The following SUSD6 variants were observed in gnomAD, a reference collection of about 807,000 sequenced individuals.
SUSD6 encodes sushi domain-containing protein 6.
A neutral mutation model predicts 28.4 loss-of-function variants in SUSD6; 16 were observed. The observed-to-expected ratio is 0.56, with a 90% CI of 0.38 to 0.86. The LOEUF is 0.86. Ranked by LOEUF, SUSD6 falls within the 40% of genes least tolerant of loss-of-function variation. The probability of loss-of-function intolerance (pLI) is 0.00; values close to 1 mark genes in which losing one functional copy is unlikely to be tolerated. For missense variants in SUSD6, 341 were observed against 384.2 expected (o/e 0.89, Z 0.94); for synonymous variants, 147 against 159.6 (o/e 0.92, Z 0.59).
At chr14:69,708,512 G>C (rs1886415226) in intron 4 of SUSD6, among the ~76,000 whole-genome samples, 165 bp from the exon 5 acceptor site, 1 of 152,114 alleles carries the variant, frequency 6.6e-6, no homozygotes, top group Non-Finnish European at 1.5e-5. Flanking sequence ...TACCTGAAAG[G>C]GCTCAGGTGA....
chr14:69,664,477 G>A (rs761492905), intron 2 of SUSD6, among the ~76,000 whole-genome samples: 1 of 152,186 alleles, frequency 6.6e-6, no homozygotes, highest in African/African-American at 2.4e-5. Flanking sequence ...TGATGAAAGT[G>A]ATGTAATCTC....
chr14:69,697,584 C>T (rs74060283), intron 2 of SUSD6, among the ~76,000 whole-genome samples: 4,833 of 152,238 alleles, frequency 0.032, 256 homozygotes, highest in African/African-American at 0.11. Context: ...ATTAATTTCA[C>T]CTGTTTCCAT....
rs1355913126 is a variant in SUSD6, at chr14:69,696,621, C to CT, written c.122-6773dup. Among the ~76,000 whole-genome samples the CT allele has an allele frequency of 2.0e-5, 3 of 152,252 alleles. No individual in the cohort carries two copies. The East Asian group carries it at 5.8e-4, about 29-fold the overall frequency. On this transcript the variant is annotated intron_variant, in intron 2 of 5. Transcript: ENST00000342745. The stretch of plus-strand genomic sequence containing the variant: ...CATCTTCAGCCTCACATTTCATGCC[C>CT]TGTCGTGTGGTTCTGAACCTTTTCC...
intron 2 of SUSD6, among the ~76,000 whole-genome samples, chr14:69,693,928 T>C (rs1800337172): frequency 6.6e-6 from 1 of 152,266 alleles, no homozygotes; most frequent in African/African-American, 2.4e-5. Context: ...AGAGGGATGC[T>C]CTTTGCCGTT....
At chr14:69,639,446 G>A (rs918041697) in intron 1 of SUSD6, among the ~76,000 whole-genome samples, 4 of 149,736 alleles carry the variant, frequency 2.7e-5, no homozygotes, top group Non-Finnish European at 5.9e-5. Context: ...GAAAAGTTTT[G>A]TTACATGTCC....
chr14:69,643,388 TG>T (rs1885381710), intron 1 of SUSD6, among the ~76,000 whole-genome samples: 2 of 152,252 alleles, frequency 1.3e-5, no homozygotes, highest in Non-Finnish European at 2.9e-5. Flanking sequence ...ATCTGGCACC[TG>T]CTATGTCCAA....
chr14:69,672,120 C>A (rs749114765), intron 2 of SUSD6, among the ~76,000 whole-genome samples: 5 of 152,184 alleles, frequency 3.3e-5, no homozygotes, highest in African/African-American at 4.8e-5. Context: ...CACCATCCAT[C>A]CCTGGTTGGA....
chr14:69,710,620 G>T (rs1323378190), intron 5 of SUSD6, among the ~76,000 whole-genome samples: 2 of 152,200 alleles, frequency 1.3e-5, no homozygotes, highest in African/African-American at 4.8e-5. Flanking sequence ...GCTTTAGGAG[G>T]CAGTGGGACT....
chr14:69,637,858 A>C (rs1315164711), intron 1 of SUSD6, among the ~76,000 whole-genome samples: 1 of 152,122 alleles, frequency 6.6e-6, no homozygotes, highest in Non-Finnish European at 1.5e-5. Context: ...GGGCAGCAGC[A>C]TAGTCACTTC....
intron 2 of SUSD6, among the ~76,000 whole-genome samples, chr14:69,691,098 T>G (rs1886146748): frequency 6.6e-6 from 1 of 152,064 alleles, no homozygotes; most frequent in Admixed American, 6.6e-5. Flanking sequence ...ACCTAGCACT[T>G]TGGGAGGTTG....
intron 1 of SUSD6, among the ~76,000 whole-genome samples, chr14:69,626,082 G>T (rs1389864403): frequency 1.3e-5 from 2 of 152,100 alleles, no homozygotes; most frequent in African/African-American, 4.8e-5. Flanking sequence ...CTTCTCTGTG[G>T]GCTCCTCTTC....
At chr14:69,614,744 A>C (rs552923909) in intron 1 of SUSD6, among the ~76,000 whole-genome samples, 24 of 152,318 alleles carry the variant, frequency 1.6e-4, no homozygotes, top group African/African-American at 5.5e-4. Flanking sequence ...TCCTCATTTC[A>C]GTACCAAACA....
intron 1 of SUSD6, among the ~76,000 whole-genome samples, chr14:69,632,664 AC>A (rs1367376848): frequency 6.6e-6 from 1 of 151,206 alleles, no homozygotes; most frequent in Admixed American, 6.6e-5. Flanking sequence ...AAAAAAAAAA[AC>A]AAAACACTGG....
intron 2 of SUSD6, among the ~76,000 whole-genome samples, chr14:69,698,500 C>T (rs1886259621): frequency 6.6e-6 from 1 of 152,198 alleles, no homozygotes; most frequent in Non-Finnish European, 1.5e-5. Flanking sequence ...AAATTGAATG[C>T]TTTGACCCCT....
At chr14:69,650,121 C>T (rs1025884516) in intron 1 of SUSD6, among the ~76,000 whole-genome samples, 1 of 152,120 alleles carries the variant, frequency 6.6e-6, no homozygotes, top group African/African-American at 2.4e-5. Context: ...ACTTGTTTAA[C>T]CTGTTGGCTG....
At chr14:69,622,687 A>G (rs1885059036) in intron 1 of SUSD6, among the ~76,000 whole-genome samples, 2 of 151,940 alleles carry the variant, frequency 1.3e-5, no homozygotes, top group Admixed American at 6.6e-5. Context: ...TCTGTCTCCC[A>G]GGTTCGAGCG....
At chr14:69,625,451 C>A (rs940227405) in intron 1 of SUSD6, among the ~76,000 whole-genome samples, 1 of 152,160 alleles carries the variant, frequency 6.6e-6, no homozygotes, top group African/African-American at 2.4e-5. Flanking sequence ...ACGGGGCTGA[C>A]GCCTACATGG....
intron 2 of SUSD6, among the ~76,000 whole-genome samples, chr14:69,700,545 G>A (rs1216104528): frequency 6.6e-6 from 1 of 152,058 alleles, no homozygotes; most frequent in Non-Finnish European, 1.5e-5. Context: ...ACTCAACCCA[G>A]CCAAACTGGG....
At chr14:69,633,658 T>C (rs1885226646) in intron 1 of SUSD6, among the ~76,000 whole-genome samples, 1 of 152,250 alleles carries the variant, frequency 6.6e-6, no homozygotes, top group Admixed American at 6.5e-5. Flanking sequence ...TAATCATTCA[T>C]ATCTCACTGG....
Sources: allele counts gnomAD v4.1 joint callset (sites outside exome capture counted in the v4.1 genomes callset), GRCh38; gene constraint gnomAD v4.1.1; transcripts MANE v1.5; gene names NCBI Gene and HGNC (gene_info 2026-07-23, HGNC 2026-07-21).